Variants in ZNF619 observed in about 807,000 individuals in gnomAD.
The protein encoded by ZNF619 is zinc finger protein 619.
Under a neutral mutation model 14.2 loss-of-function variants are expected in ZNF619, and 9 were observed. The ratio of observed to expected loss-of-function variants is 0.64; its 90% CI spans 0.38 to 1.11. The LOEUF is 1.11. Among genes scored for constraint, ZNF619 ranks in the 50% least tolerant of loss-of-function variants. The pLI, the probability that ZNF619 is intolerant of heterozygous loss-of-function variation, is 0.01. For synonymous variants in ZNF619, 246 were observed against 252.8 expected (o/e 0.97, Z 0.26); for missense variants, 659 against 680.1 (o/e 0.97, Z 0.34).
rs115130932 is a variant in ZNF619 at position 40,488,566 on chromosome 3, G to A, written c.*325G>A. 3,233 of 262,568 alleles carry A rather than the reference G, an allele frequency of 0.012. 99 individuals are homozygous for A. The highest frequency in any genetic ancestry group is 0.064 in the African/African-American group (2,899 of 45,034). 16.3% of individuals were successfully genotyped at this position (262,568 alleles called of 1,614,324 possible). On this transcript the variant is annotated 3_prime_UTR_variant, in exon 5 of 5. Transcript: ENST00000432264. ...ATGGCATTATGATTATGATGAGATG[G>A]GGCATTATAATTAGAGACTAGGAGA...
chr3:40,484,787 T>C (rs1427194522), intron 4 of ZNF619, among the ~76,000 whole-genome samples: 1 of 152,212 alleles, frequency 6.6e-6, no homozygotes, highest in Admixed American at 6.5e-5. Context: ...AAGTGCAGCC[T>C]TAAACAATGA....
rs1191674469 is a variant in ZNF619 at position 40,490,243 on chromosome 3, T to C, written c.*2002T>C. On this transcript the variant is annotated 3_prime_UTR_variant, in exon 5 of 5. Transcript: ENST00000432264. ...CCTCTATTCTGTATAAATTACCCAG[T>C]CTATGGTATTCAGTTAGAGCCACAC... 6.6e-6 allele frequency: 1 copy of C among 152,192 alleles called. No individual in the cohort carries two copies. The highest frequency in any genetic ancestry group is 1.5e-5 in the Non-Finnish European group (1 of 68,042). The allele number at this position is 152,192 out of a possible 1,614,324, so 9.4% of individuals were successfully genotyped here.
At chr3:40,486,685 G>C in intron 4 of ZNF619, 121 bp from the exon 5 acceptor site, 1 of 667,886 alleles carries the variant, frequency 1.5e-6, no homozygotes, top group Non-Finnish European at 2.4e-6. Context: ...TGGGCAACAA[G>C]AGTGAAACTC....
In ZNF619 at chr3:40,486,815, C is replaced by T; in HGVS notation, c.305C>T (p.Thr102Ile). The change falls in exon 5 of 5, where the codon ACC (threonine) becomes ATC (isoleucine). Residue 102 changes from threonine (T) to isoleucine (I), a missense_variant. Coordinates refer to ENST00000432264, the MANE Select transcript of ZNF619 (RefSeq NM_001145093.4). ...ALRGMCTGGK[T>I]KTENEEKTAQ... ...CTTTTTATCATGCTAGGTGGTAAAACCAAGACTGAGAATGAGGAAAAAACT... is the reference window on the plus strand; with the variant it reads ...CTTTTTATCATGCTAGGTGGTAAAATCAAGACTGAGAATGAGGAAAAAACT... The T allele has an allele frequency of 6.3e-7, 1 of 1,594,848 alleles. No individual in the cohort carries two copies. The highest frequency in any genetic ancestry group is 8.5e-7 in the Non-Finnish European group (1 of 1,173,372).
Position 40,482,004 on chromosome 3 carries a change from G to C in ZNF619, c.166G>C (p.Val56Leu). 6.3e-7 allele frequency: 1 copy of C among 1,599,282 alleles called. No homozygotes were observed. Among genetic ancestry groups the C allele is most frequent in the Non-Finnish European group, 8.5e-7 (1 of 1,174,734 alleles). Residue 56 changes from valine to leucine, a missense_variant, in exon 3 of 5, where the codon GTG (valine) becomes CTG (leucine). Coordinates refer to ENST00000432264, the MANE Select transcript of ZNF619 (RefSeq NM_001145093.4). ...REVMLENYAN[V>L]TSLSAFPFPK... is the part of the protein sequence containing the mutation. ...GGTGATGCTGGAGAATTATGCAAATGTGACTTCCTTGTGTAAGTCCTCCTT... is the reference window on the plus strand; with the variant it reads ...GGTGATGCTGGAGAATTATGCAAATCTGACTTCCTTGTGTAAGTCCTCCTT...
intron 2 of ZNF619, 30 bp from the exon 3 acceptor site, chr3:40,481,833 A>G (rs1341518798): frequency 1.9e-6 from 3 of 1,578,474 alleles, no homozygotes; most frequent in Non-Finnish European, 2.6e-6. Flanking sequence ...CTTTCCTGGA[A>G]TTCAGGCCTC....
chr3:40,483,689 C>T (rs139066653), intron 4 of ZNF619: 5,671 of 448,346 alleles, frequency 0.013, 58 homozygotes, highest in Non-Finnish European at 0.018. Context: ...AGTGCAATGG[C>T]GTGATCTTCA....
chr3:40,478,056 A>G (rs1697255818), intron 2 of ZNF619, 53 bp downstream of exon 2: 1 of 1,521,222 alleles, frequency 6.6e-7, no homozygotes, highest in Middle Eastern at 1.7e-4. Context: ...ATGGAAGGTC[A>G]GTACAGCCCC....
At chr3:40,482,304 C>T in intron 3 of ZNF619, 1 of 1,552,362 alleles carries the variant, frequency 6.4e-7, no homozygotes, top group Non-Finnish European at 8.7e-7. Flanking sequence ...TTCATTCCTT[C>T]CATCTTCCAG....
At chr3:40,482,315 T>A (rs1697429879) in intron 3 of ZNF619, 1 of 1,552,604 alleles carries the variant, frequency 6.4e-7, no homozygotes, top group African/African-American at 1.4e-5. Flanking sequence ...CATCTTCCAG[T>A]TCCCTGGAGC....
chr3:40,477,221 G>A lies in ZNF619; in HGVS notation c.-199G>A, dbSNP rs1007954636. 6.6e-6 allele frequency: 1 copy of A among 152,358 alleles called. No homozygotes were observed. Among genetic ancestry groups the A allele is most frequent in the Non-Finnish European group, 1.5e-5 (1 of 68,162 alleles). The allele number at this position is 152,358 out of a possible 1,614,324, so 9.4% of individuals were successfully genotyped here. A position where few individuals can be genotyped will look rare whatever the true frequency, so the allele number is the denominator to read the frequency against. ...CTTCCCTGACTCGGCTACCTGTTCT[G>A]GAGGTCAGGCTTTGGGCCCTTGCAG... is the stretch of plus-strand genomic sequence containing the variant. On this transcript the variant is annotated 5_prime_UTR_variant, in exon 1 of 5. Coordinates refer to ENST00000432264, the MANE Select transcript of ZNF619 (RefSeq NM_001145093.4).
chr3:40,485,071 G>C (rs1211192851), intron 4 of ZNF619, among the ~76,000 whole-genome samples: 1 of 151,954 alleles, frequency 6.6e-6, no homozygotes, highest in Non-Finnish European at 1.5e-5. Context: ...GGGACTACTG[G>C]CACACACCAC....
intron 2 of ZNF619, among the ~76,000 whole-genome samples, chr3:40,481,326 G>A (rs1325566419): frequency 6.6e-6 from 1 of 152,206 alleles, no homozygotes; most frequent in Non-Finnish European, 1.5e-5. Flanking sequence ...AGTGAAGTGT[G>A]TTAGGAGACA....
At chr3:40,477,622 T>C in intron 1 of ZNF619, 1 of 296,942 alleles carries the variant, frequency 3.4e-6, no homozygotes, top group South Asian at 3.6e-5. Context: ...ACAAACTGTT[T>C]AGTAATGCAT....
intron 1 of ZNF619, chr3:40,477,707 T>G (rs1176574818): frequency 1.3e-5 from 6 of 460,292 alleles, no homozygotes; most frequent in Non-Finnish European, 2.4e-5. Flanking sequence ...ACTTTACAGA[T>G]ATTCTTTCTA....
In ZNF619 at chr3:40,477,939, C is replaced by T. The variant is rs757436613; in HGVS notation, c.-41C>T. ...TTAGCTCCGCAGGTTCTTACTTTTT[C>T]AAACCTAGAGGGCAGTGCATGAAGC... On this transcript the variant is annotated 5_prime_UTR_variant, in exon 2 of 5. Transcript: ENST00000432264. 1.9e-6 allele frequency: 3 copies of T among 1,552,482 alleles called. No homozygotes were observed. Among genetic ancestry groups the T allele is most frequent in the African/African-American group, 2.7e-5 (2 of 72,936 alleles).
Position 40,477,933 on chromosome 3 carries a change from C to G in ZNF619, c.-47C>G. The G allele has an allele frequency of 1.3e-6, 2 of 1,551,454 alleles. No individual in the cohort carries two copies. Among genetic ancestry groups the G allele is most frequent in the South Asian group, 1.2e-5 (1 of 84,238 alleles). On this transcript the variant is annotated 5_prime_UTR_variant, in exon 2 of 5. Coordinates refer to ENST00000432264, the MANE Select transcript of ZNF619 (RefSeq NM_001145093.4). ...TCTCTCTTAGCTCCGCAGGTTCTTA[C>G]TTTTTCAAACCTAGAGGGCAGTGCA...
intron 2 of ZNF619, among the ~76,000 whole-genome samples, chr3:40,480,325 G>A (rs533731397): frequency 1.1e-4 from 17 of 152,142 alleles, no homozygotes; most frequent in East Asian, 7.7e-4. Flanking sequence ...TCTGGCTAAG[G>A]GGTATTCTGA....
Position 40,488,315 on chromosome 3 carries a change from T to TA in ZNF619, c.*75dup, listed in dbSNP as rs1697708934. Reference sequence around the variant, plus strand: ...CTGGTCTCCTGATTGTGTCTATTGATATTCCTCTGGTCTTGTCTTGTATAA... The same window carrying TA: ...CTGGTCTCCTGATTGTGTCTATTGATAATTCCTCTGGTCTTGTCTTGTATAA... On this transcript the variant is annotated 3_prime_UTR_variant, in exon 5 of 5. Coordinates refer to ENST00000432264, the MANE Select transcript of ZNF619 (RefSeq NM_001145093.4). The TA allele has an allele frequency of 1.3e-6, 1 of 760,994 alleles. No individual in the cohort carries two copies. Among genetic ancestry groups the TA allele is most frequent in the African/African-American group, 1.7e-5 (1 of 57,310 alleles). 47.1% of individuals were successfully genotyped at this position (760,994 alleles called of 1,614,324 possible). A position where few individuals can be genotyped will look rare whatever the true frequency, so the allele number is the denominator to read the frequency against.
Sources: allele counts gnomAD v4.1 joint callset (sites outside exome capture counted in the v4.1 genomes callset), GRCh38; gene constraint gnomAD v4.1.1; transcripts MANE v1.5; gene names NCBI Gene and HGNC (gene_info 2026-07-23, HGNC 2026-07-21).